ZBTB7C: variants seen among roughly 807,000 people sequenced by gnomAD.
The protein encoded by ZBTB7C is zinc finger and BTB domain containing 7C.
A neutral mutation model predicts 25.7 loss-of-function variants in ZBTB7C; 8 were observed. The observed-to-expected ratio is 0.31, with a 90% CI of 0.18 to 0.56. The LOEUF is 0.56. ZBTB7C is among the 20% of genes least tolerant of loss of function. The pLI is 0.91. For missense variants in ZBTB7C, 824 were observed against 855.2 expected (o/e 0.96, Z 0.46); for synonymous variants, 394 against 369.0 (o/e 1.07, Z -0.78).
chr18:48,383,568 A>T (rs1205388180), intron 1 of ZBTB7C, among the ~76,000 whole-genome samples: 1 of 152,164 alleles, frequency 6.6e-6, no homozygotes, highest in Admixed American at 6.5e-5. Flanking sequence ...GTGCCTGGCC[A>T]AGTGCAATCT....
intron 3 of ZBTB7C, among the ~76,000 whole-genome samples, chr18:48,113,167 C>A (rs1282664858): frequency 1.3e-5 from 2 of 152,204 alleles, no homozygotes; most frequent in Admixed American, 1.3e-4. Flanking sequence ...AGGAGCAGGA[C>A]AAAGGGGTAA....
intron 3 of ZBTB7C, chr18:48,087,765 A>G (rs1366792098): frequency 6.8e-6 from 1 of 146,610 alleles, no homozygotes; most frequent in Non-Finnish European, 1.5e-5. Context: ...ACTGCACTCC[A>G]GGCTCACCTG....
chr18:48,234,437 G>A (rs2043327764), intron 2 of ZBTB7C, among the ~76,000 whole-genome samples: 1 of 152,180 alleles, frequency 6.6e-6, no homozygotes, highest in Admixed American at 6.5e-5. Flanking sequence ...TTCCCCAGAA[G>A]AAGAAACTTC....
At chr18:48,218,301 A>T (rs1361153314) in intron 2 of ZBTB7C, among the ~76,000 whole-genome samples, 2 of 152,176 alleles carry the variant, frequency 1.3e-5, no homozygotes. Flanking sequence ...AATCAAAAGG[A>T]ATGTGACTGT....
rs1217541772 is a variant in ZBTB7C at position 48,040,802 on chromosome 18, G to T, written c.306C>A (p.Gly102=). 1.4e-5 allele frequency: 22 copies of T among 1,613,950 alleles called. No homozygotes were observed. The highest frequency in any genetic ancestry group is 1.9e-5 in the Non-Finnish European group (22 of 1,179,938). Residue 102 remains glycine, a synonymous_variant, in exon 4 of 5, where the codon GGC becomes GGA. Transcript: ENST00000590800. ...AYTSTLTITA[G]NVKHILNAAR... is the part of the protein sequence containing the mutation. ...CTGCGTTGAGGATGTGCTTGACATT[G>T]CCAGCGGTGATGGTGAGCGTGGAGG...
At chr18:48,235,686 A>AT (rs1270888343) in intron 2 of ZBTB7C, among the ~76,000 whole-genome samples, 12 of 151,838 alleles carry the variant, frequency 7.9e-5, no homozygotes, top group Non-Finnish European at 1.3e-4. Flanking sequence ...GTTTGTCCAA[A>AT]TTTTTTTTAT....
chr18:48,102,048 A>G (rs1476268181), intron 3 of ZBTB7C, among the ~76,000 whole-genome samples: 1 of 152,216 alleles, frequency 6.6e-6, no homozygotes, highest in Non-Finnish European at 1.5e-5. Flanking sequence ...TTTTAAAAAC[A>G]AACTGCTAAA....
chr18:48,184,521 G>C (rs1489714312), intron 3 of ZBTB7C, among the ~76,000 whole-genome samples: 1 of 152,154 alleles, frequency 6.6e-6, no homozygotes, highest in African/African-American at 2.4e-5. Context: ...CAAGAGTGCT[G>C]CAAATTGCTC....
At chr18:48,110,282 C>T (rs1420270258) in intron 3 of ZBTB7C, among the ~76,000 whole-genome samples, 1 of 152,130 alleles carries the variant, frequency 6.6e-6, no homozygotes, top group Non-Finnish European at 1.5e-5. Context: ...GTGCCACTCC[C>T]TGACCACATC....
chr18:48,237,085 T>C (rs1257623653), intron 2 of ZBTB7C, among the ~76,000 whole-genome samples: 1 of 152,158 alleles, frequency 6.6e-6, no homozygotes, highest in African/African-American at 2.4e-5. Context: ...GGAAATGCTG[T>C]CCGGAGCAGA....
chr18:48,086,466 T>C (rs974944669), intron 3 of ZBTB7C, among the ~76,000 whole-genome samples: 5 of 152,148 alleles, frequency 3.3e-5, no homozygotes, highest in African/African-American at 9.7e-5. Flanking sequence ...ATAATCTAGA[T>C]CATTTTCTGT....
chr18:48,312,522 T>C (rs1371654513), intron 2 of ZBTB7C, among the ~76,000 whole-genome samples: 1 of 152,250 alleles, frequency 6.6e-6, no homozygotes, highest in African/African-American at 2.4e-5. Context: ...GCATGACTTC[T>C]GGAGTCAGAT....
At chr18:48,122,489 G>A (rs536047533) in intron 3 of ZBTB7C, among the ~76,000 whole-genome samples, 1 of 152,294 alleles carries the variant, frequency 6.6e-6, no homozygotes, top group South Asian at 2.1e-4. Flanking sequence ...CCCTGTATAA[G>A]AGGCCTCCAA....
intron 1 of ZBTB7C, among the ~76,000 whole-genome samples, chr18:48,378,321 CAG>C (rs1318131569): frequency 2.6e-5 from 4 of 152,144 alleles, no homozygotes; most frequent in Non-Finnish European, 4.4e-5. Flanking sequence ...ACACTGAAAA[CAG>C]GGGGATTAAA....
chr18:48,032,270 C>T (rs1208312920), intron 4 of ZBTB7C, among the ~76,000 whole-genome samples: 12 of 151,814 alleles, frequency 7.9e-5, no homozygotes, highest in East Asian at 2.0e-4. Context: ...TGCACCACCA[C>T]GCCCGGCTAA....
At chr18:48,405,046 T>G (rs2048247167) in intron 1 of ZBTB7C, among the ~76,000 whole-genome samples, 1 of 152,176 alleles carries the variant, frequency 6.6e-6, no homozygotes, top group Non-Finnish European at 1.5e-5. Context: ...GCGGATCAAT[T>G]CACACCAAAG....
chr18:48,405,183 A>G (rs1008051361), intron 1 of ZBTB7C, among the ~76,000 whole-genome samples: 1 of 150,128 alleles, frequency 6.7e-6, no homozygotes, highest in African/African-American at 2.4e-5. Context: ...AACTGATGGC[A>G]TGGCAGGTAC....
At chr18:48,088,029 T>C (rs530776916) in intron 3 of ZBTB7C, among the ~76,000 whole-genome samples, 1 of 152,328 alleles carries the variant, frequency 6.6e-6, no homozygotes, top group Non-Finnish European at 1.5e-5. Context: ...AGCATCACAC[T>C]AACACCCCTG....
rs1757301011 is a variant in ZBTB7C at position 48,107,521 on chromosome 18, AC to A, written c.-16-66399del. Among the ~76,000 whole-genome samples, 4 of 152,190 alleles carry A rather than the reference AC, an allele frequency of 2.6e-5. No homozygotes were observed. The South Asian group carries it at 8.3e-4, about 32-fold the overall frequency. ...GCTGGAAAGAAGATTCCTGGAGGTC[AC>A]CGACATCTCCAGGCAGCCTGGAGGG... is the stretch of plus-strand genomic sequence containing the variant. On this transcript the variant is annotated intron_variant, in intron 3 of 4. Coordinates refer to ENST00000590800, the MANE Select transcript of ZBTB7C (RefSeq NM_001318841.2).
Sources: gnomAD v4.1 joint callset for allele counts (sites outside exome capture counted in the v4.1 genomes callset) on GRCh38, gnomAD v4.1.1 for gene constraint, MANE v1.5 for transcripts, NCBI Gene and HGNC (gene_info 2026-07-23, HGNC 2026-07-21) for gene names.